Variants in ETF1 observed in about 807,000 individuals in gnomAD.
ETF1 encodes the protein eukaryotic translation termination factor 1.
In ETF1, 4 loss-of-function variants were observed where a neutral mutation model predicts 55.1. The ratio of observed to expected loss-of-function variants is 0.07; its 90% CI spans 0.04 to 0.17. ETF1 has a LOEUF of 0.17. Among genes scored for constraint, ETF1 ranks in the 10% least tolerant of loss-of-function variants. The pLI, the probability that ETF1 is intolerant of heterozygous loss-of-function variation, is 1.00. For synonymous variants in ETF1, 157 were observed against 182.3 expected (o/e 0.86, Z 1.12); for missense variants, 142 against 523.6 (o/e 0.27, Z 7.11).
Position 138,517,427 on chromosome 5 carries a change from G to A in ETF1, c.402+134C>T, listed in dbSNP as rs1014705455. The A allele has an allele frequency of 4.9e-5, 21 of 429,424 alleles. No individual in the cohort carries two copies. The Admixed American group carries it at 8.7e-4, about 18-fold the overall frequency. 26.6% of individuals were successfully genotyped at this position (429,424 alleles called of 1,614,324 possible). On this transcript the variant is annotated intron_variant, in intron 4 of 10. Transcript: ENST00000360541. Reference sequence around the variant, plus strand: ...TAAAAATAAAAGAAGTACAGCACAAGCATATCTATGGAAAGAAAATATAGT... The same window carrying A: ...TAAAAATAAAAGAAGTACAGCACAAACATATCTATGGAAAGAAAATATAGT...
At chr5:138,523,943 G>A (rs764056477) in intron 2 of ETF1, among the ~76,000 whole-genome samples, 16 of 152,108 alleles carry the variant, frequency 1.1e-4, no homozygotes, top group Non-Finnish European at 1.9e-4. Context: ...CTGGGAGGCC[G>A]AGGCAGGCAG....
At chr5:138,524,743 A>G (rs970477849) in intron 2 of ETF1, among the ~76,000 whole-genome samples, 1 of 151,580 alleles carries the variant, frequency 6.6e-6, no homozygotes, top group Non-Finnish European at 1.5e-5. Flanking sequence ...ACACCCGGCT[A>G]ATTTTTGTAT....
intron 2 of ETF1, among the ~76,000 whole-genome samples, chr5:138,520,512 T>C (rs982033212): frequency 2.6e-5 from 4 of 152,156 alleles, no homozygotes; most frequent in Non-Finnish European, 5.9e-5. Flanking sequence ...AAATATCTCA[T>C]CGGAAAATTC....
At chr5:138,508,979 G>A (rs1764658777) in intron 9 of ETF1, 163 bp from the exon 10 acceptor site, 1 of 974,072 alleles carries the variant, frequency 1.0e-6, no homozygotes, top group African/African-American at 1.8e-5. Flanking sequence ...ATAACCTAAT[G>A]GATATCAGCA....
chr5:138,519,385 C>T (rs771504884), intron 2 of ETF1, among the ~76,000 whole-genome samples: 8 of 151,920 alleles, frequency 5.3e-5, no homozygotes, highest in Non-Finnish European at 7.4e-5. Context: ...CTCTCTCGGC[C>T]GGGCACGATG....
At chr5:138,538,223 T>G (rs749318389) in intron 2 of ETF1, among the ~76,000 whole-genome samples, 3 of 133,354 alleles carry the variant, frequency 2.2e-5, no homozygotes, top group Non-Finnish European at 4.8e-5. Context: ...AGAGTTTCAC[T>G]CTGTTGCCCA....
At chr5:138,519,228 G>A in intron 2 of ETF1, 1 of 983,042 alleles carries the variant, frequency 1.0e-6, no homozygotes, top group Non-Finnish European at 1.2e-6. Flanking sequence ...GCCTTCAAAT[G>A]TGGTGGTTGA....
At chr5:138,538,434 C>A (rs1486882710) in intron 2 of ETF1, among the ~76,000 whole-genome samples, 1 of 152,158 alleles carries the variant, frequency 6.6e-6, no homozygotes, top group Non-Finnish European at 1.5e-5. Flanking sequence ...AAGTGATCCA[C>A]CCACCTTGGC....
In ETF1 at chr5:138,534,615, C is replaced by A. The variant is rs1358609400; in HGVS notation, c.86+8218G>T. Among the ~76,000 whole-genome samples, 6 of 152,326 alleles carry A rather than the reference C, an allele frequency of 3.9e-5. No individual in the cohort carries two copies. In the East Asian group the frequency reaches 1.2e-3, roughly 29 times the overall value. ...TCTGTTTTCTTTTAAATCTTTGCAC[C>A]TGAGTCTCAGCACACCTGCTCCTCC... On this transcript the variant is annotated intron_variant, in intron 2 of 10. Coordinates refer to ENST00000360541, the MANE Select transcript of ETF1 (RefSeq NM_004730.4).
intron 2 of ETF1, among the ~76,000 whole-genome samples, chr5:138,519,786 A>G (rs1046225864): frequency 1.3e-5 from 2 of 152,180 alleles, no homozygotes; most frequent in Non-Finnish European, 2.9e-5. Flanking sequence ...TGGGTGCCCA[A>G]CCAAACTCAA....
chr5:138,525,777 C>G (rs890773007), intron 2 of ETF1, among the ~76,000 whole-genome samples: 29 of 151,920 alleles, frequency 1.9e-4, no homozygotes, highest in Admixed American at 1.8e-3. Flanking sequence ...GAAACCCCAT[C>G]TCTACTAAAA....
intron 2 of ETF1, among the ~76,000 whole-genome samples, chr5:138,526,732 G>C (rs1029801078): frequency 6.6e-6 from 1 of 151,518 alleles, no homozygotes; most frequent in East Asian, 1.9e-4. Flanking sequence ...ATGGAGTCTC[G>C]CTCTGCTGCC....
intron 2 of ETF1, among the ~76,000 whole-genome samples, chr5:138,528,368 T>C (rs1411135419): frequency 2.0e-5 from 3 of 152,214 alleles, no homozygotes; most frequent in African/African-American, 7.2e-5. Flanking sequence ...AGCAGCTACT[T>C]ACTTTCCACT....
At chr5:138,531,509 C>G (rs930010104) in intron 2 of ETF1, among the ~76,000 whole-genome samples, 1 of 152,260 alleles carries the variant, frequency 6.6e-6, no homozygotes, top group East Asian at 1.9e-4. Flanking sequence ...CTCACTCCCC[C>G]TCAAGTACTC....
chr5:138,542,996 G>C (rs1766251714), intron 1 of ETF1, 60 bp from the exon 2 acceptor site: 1 of 1,498,280 alleles, frequency 6.7e-7, no homozygotes, highest in South Asian at 1.2e-5. Context: ...CCGCCGCTGG[G>C]GCAGAGCGGC....
intron 3 of ETF1, 75 bp from the exon 4 acceptor site, chr5:138,517,775 T>C (rs1178151449): frequency 1.5e-5 from 20 of 1,340,924 alleles, no homozygotes; most frequent in Middle Eastern, 4.0e-4. Flanking sequence ...AATGTTCCCA[T>C]AGCCTATTTT....
rs952421660 is a variant in ETF1 at position 138,532,978 on chromosome 5, A to T, written c.86+9855T>A. Among the ~76,000 whole-genome samples the T allele has an allele frequency of 4.6e-5, 7 of 151,576 alleles. No homozygotes were observed. In the East Asian group the frequency reaches 1.4e-3, roughly 29 times the overall value. ...TTTTTGAGACGGAGTCTCACTCTGT[A>T]ACCCAGGCTGGAGTACAGTGGCGCC... is the stretch of plus-strand genomic sequence containing the variant. On this transcript the variant is annotated intron_variant, in intron 2 of 10. Coordinates refer to ENST00000360541, the MANE Select transcript of ETF1 (RefSeq NM_004730.4).
In ETF1 at chr5:138,513,724, G is replaced by A. The variant is rs944209433; in HGVS notation, c.403-18C>T. ...GTAAGAGCCTGAAAAGCAAACACAAGTACCACACGGTGAATCCCAAAGCTT... is the reference window on the plus strand; with the variant it reads ...GTAAGAGCCTGAAAAGCAAACACAAATACCACACGGTGAATCCCAAAGCTT... On this transcript the variant is annotated intron_variant, in intron 4 of 10. Transcript: ENST00000360541. The A allele has an allele frequency of 5.0e-6, 8 of 1,586,672 alleles. No homozygotes were observed. The South Asian group carries it at 8.9e-5, about 18-fold the overall frequency.
chr5:138,541,843 GA>G (rs2127141389), intron 2 of ETF1: 1 of 335,634 alleles, frequency 3.0e-6, no homozygotes, highest in African/African-American at 2.1e-5. Context: ...AAAGAAACAG[GA>G]ATACCCCTGG....
Sources: allele counts gnomAD v4.1 joint callset (sites outside exome capture counted in the v4.1 genomes callset), GRCh38; gene constraint gnomAD v4.1.1; transcripts MANE v1.5; gene names NCBI Gene and HGNC (gene_info 2026-07-23, HGNC 2026-07-21).